The following HERPUD2 variants were observed in gnomAD, a reference collection of about 807,000 sequenced individuals.
The protein encoded by HERPUD2 is HERPUD family member 2.
HERPUD2 carries 13 observed loss-of-function variants against 49.9 expected under a neutral mutation model. The observed-to-expected ratio is 0.26, with a 90% confidence interval of 0.17 to 0.41. The LOEUF is 0.41. Ranked by LOEUF, HERPUD2 falls within the 10% of genes least tolerant of loss-of-function variation. HERPUD2 has a pLI of 1.00. For synonymous variants in HERPUD2, 172 were observed against 171.4 expected, an observed-to-expected ratio of 1.00 and a Z score of -0.03; for missense variants, 449 against 492.2, an observed-to-expected ratio of 0.91 and a Z score of 0.83.
At chr7:35,640,333 T>C (rs993647351) in intron 5 of HERPUD2, among the ~76,000 whole-genome samples, 9 of 152,198 alleles carry the variant, frequency 5.9e-5, no homozygotes, top group African/African-American at 2.2e-4. Context: ...TTAATAAGAA[T>C]GTCAAACAAG....
intron 6 of HERPUD2, 94 bp downstream of exon 6, chr7:35,638,252 TAAAC>T: frequency 8.2e-7 from 1 of 1,218,472 alleles, no homozygotes; most frequent in Non-Finnish European, 1.1e-6. Flanking sequence ...ATTAAATACA[TAAAC>T]AAATGAAATG....
At chr7:35,664,477 A>C (rs1785496873) in intron 5 of HERPUD2, among the ~76,000 whole-genome samples, 1 of 152,192 alleles carries the variant, frequency 6.6e-6, no homozygotes. Context: ...TGATATCCTG[A>C]AGAGTGCTTT....
chr7:35,641,645 T>C (rs893567865), intron 5 of HERPUD2, among the ~76,000 whole-genome samples: 1 of 151,958 alleles, frequency 6.6e-6, no homozygotes, highest in Admixed American at 6.6e-5. Flanking sequence ...TGGAACAAAA[T>C]AGCCCGGAAA....
In HERPUD2 at chr7:35,668,534, G is replaced by A. The variant is rs369757189; in HGVS notation, c.340-946C>T. The A allele has an allele frequency of 2.6e-5, 4 of 154,648 alleles. No individual in the cohort carries two copies. In the Admixed American group the frequency reaches 2.6e-4, roughly 10 times the overall value. The allele number at this position is 154,648 out of a possible 1,614,324, so 9.6% of individuals were successfully genotyped here. ...CTTCCTTTAACAATTTTGTTAAATT[G>A]TATTTTACCCGTACTGCCTTCCTAT... is the stretch of plus-strand genomic sequence containing the variant. On this transcript the variant is annotated intron_variant, in intron 4 of 8. Transcript: ENST00000311350.
Position 35,635,367 on chromosome 7 carries a change from C to T in HERPUD2, c.709G>A (p.Glu237Lys), listed in dbSNP as rs1784854922. Residue 237 changes from glutamate (E) to lysine (K), a missense_variant, in exon 7 of 9, where the codon GAA becomes AAA. Glu to Lys is a moderately conservative substitution (Grantham distance 56, BLOSUM62 1). Transcript: ENST00000311350. ...QPLNLAHVPG[E>K]EPPPAPNLVA... ...AGGTTTGGAGCTGGTGGGGGTTCTT[C>T]TCCAGGAACATGTGCCAAATTTAGA... is the stretch of plus-strand genomic sequence containing the variant. 1 of 1,614,076 alleles carries T rather than the reference C, an allele frequency of 6.2e-7. No homozygotes were observed. The highest frequency in any genetic ancestry group is 8.5e-7 in the Non-Finnish European group (1 of 1,180,024).
chr7:35,639,580 T>TCACACAA (rs1784934240), intron 5 of HERPUD2, among the ~76,000 whole-genome samples: 1 of 152,170 alleles, frequency 6.6e-6, no homozygotes, highest in Non-Finnish European at 1.5e-5. Flanking sequence ...GATAAACAGG[T>TCACACAA]AAGAAAATGC....
At position 35,655,877 on chromosome 7, in the gene HERPUD2, C is replaced by A. The variant is rs73340307; in HGVS notation, c.494+11557G>T. Among the ~76,000 whole-genome samples the A allele has an allele frequency of 3.3e-5, 5 of 152,156 alleles. 1 individual carries two copies. In the South Asian group the frequency reaches 1.0e-3, roughly 32 times the overall value. On this transcript the variant is annotated intron_variant, in intron 5 of 8. Coordinates refer to ENST00000311350, the MANE Select transcript of HERPUD2 (RefSeq NM_022373.5). The stretch of plus-strand genomic sequence containing the variant: ...AAAACAAACTAGCTAAGAAAGAAAT[C>A]GAGCCGAGTGTGGTGGCTCACGCCT...
At chr7:35,636,138 T>C (rs992082813) in intron 6 of HERPUD2, among the ~76,000 whole-genome samples, 2 of 152,244 alleles carry the variant, frequency 1.3e-5, no homozygotes, top group African/African-American at 4.8e-5. Context: ...ATCTTGGATT[T>C]GCTTTAAATT....
At chr7:35,678,648 TTTAA>T (rs1785816774) in intron 2 of HERPUD2, among the ~76,000 whole-genome samples, 1 of 152,318 alleles carries the variant, frequency 6.6e-6, no homozygotes, top group South Asian at 2.1e-4. Flanking sequence ...AAGGAAATCT[TTTAA>T]TTAATTTTGC....
intron 5 of HERPUD2, among the ~76,000 whole-genome samples, chr7:35,653,172 G>A (rs1785201674): frequency 6.6e-6 from 1 of 152,140 alleles, no homozygotes; most frequent in African/African-American, 2.4e-5. Flanking sequence ...CCAACCACAT[G>A]CTGCCTACAA....
rs142924767 is a variant in HERPUD2, at chr7:35,679,408, C to T, written c.148-6130G>A. On this transcript the variant is annotated intron_variant, in intron 2 of 8. Coordinates refer to ENST00000311350, the MANE Select transcript of HERPUD2 (RefSeq NM_022373.5). ...AGTCCTTCTTTTTTAAAACCACCTA[C>T]ACCTACTAAACAGAACAGTTAGGCA... Among the ~76,000 whole-genome samples the T allele has an allele frequency of 6.8e-3, 1,037 of 152,258 alleles. 10 individuals carry two copies. Among genetic ancestry groups the T allele is most frequent in the African/African-American group, 0.024 (987 of 41,554 alleles).
chr7:35,662,902 C>T (rs1785455545), intron 5 of HERPUD2, among the ~76,000 whole-genome samples: 1 of 152,078 alleles, frequency 6.6e-6, no homozygotes, highest in African/African-American at 2.4e-5. Flanking sequence ...TATTTCTTGC[C>T]TTCTGCCAGC....
intron 2 of HERPUD2, among the ~76,000 whole-genome samples, chr7:35,682,345 GTGTGTGTGTGTGTATA>G (rs1562686266): frequency 0.022 from 604 of 27,774 alleles, 7 homozygotes; most frequent in Non-Finnish European, 0.037. Flanking sequence ...GTGTGTGTGT[GTGTGTGTGTGTGTATA>G]TATATATATA....
chr7:35,639,879 C>G (rs1784940367), intron 5 of HERPUD2, among the ~76,000 whole-genome samples: 1 of 152,152 alleles, frequency 6.6e-6, no homozygotes, highest in East Asian at 1.9e-4. Flanking sequence ...CTTGATGGAG[C>G]AGTGGCAGCC....
chr7:35,655,732 A>C (rs1186136316), intron 5 of HERPUD2, among the ~76,000 whole-genome samples: 1 of 152,242 alleles, frequency 6.6e-6, no homozygotes, highest in Non-Finnish European at 1.5e-5. Context: ...GCCAAATTGG[A>C]AAAGAGGAAG....
In HERPUD2 at chr7:35,667,497, C is replaced by T. The variant is rs771635422; in HGVS notation, c.431G>A (p.Arg144His). 3.3e-5 allele frequency: 54 copies of T among 1,613,744 alleles called. No homozygotes were observed. The highest frequency in any genetic ancestry group is 1.0e-4 in the Admixed American group (6 of 59,988). ...GTCAGTTTGTGCTTGTGGAAGGGTACGCTGCCTCAATCCTTCTGAGGAAGA... is the reference window on the plus strand; with the variant it reads ...GTCAGTTTGTGCTTGTGGAAGGGTATGCTGCCTCAATCCTTCTGAGGAAGA... Reference protein sequence around the residue: ...VGSSSEGLRQRTLPQAQTDQA... With the variant: ...VGSSSEGLRQHTLPQAQTDQA... The change falls in exon 5 of 9, where the codon CGT becomes CAT. Residue 144 changes from arginine to histidine, a missense_variant. Coordinates refer to ENST00000311350, the MANE Select transcript of HERPUD2 (RefSeq NM_022373.5).
intron 5 of HERPUD2, among the ~76,000 whole-genome samples, chr7:35,640,199 A>T (rs1784946627): frequency 6.6e-6 from 1 of 152,232 alleles, no homozygotes; most frequent in Non-Finnish European, 1.5e-5. Context: ...CAAATCTATA[A>T]AACTACCTAA....
chr7:35,642,869 C>T (rs1039804836), intron 5 of HERPUD2, among the ~76,000 whole-genome samples: 2 of 152,070 alleles, frequency 1.3e-5, no homozygotes, highest in African/African-American at 4.8e-5. Flanking sequence ...AGGCTTAGTA[C>T]CTGGGTGACC....
chr7:35,655,558 T>C (rs1176238075), intron 5 of HERPUD2, among the ~76,000 whole-genome samples: 1 of 152,048 alleles, frequency 6.6e-6, no homozygotes, highest in Non-Finnish European at 1.5e-5. Context: ...AAAAAGACCA[T>C]ATATAACAAA....
Sources: allele counts gnomAD v4.1 joint callset (sites outside exome capture counted in the v4.1 genomes callset), GRCh38; gene constraint gnomAD v4.1.1; transcripts MANE v1.5; gene names NCBI Gene and HGNC (gene_info 2026-07-23, HGNC 2026-07-21).